The following CNTN5 variants were observed in gnomAD, a reference collection of about 807,000 sequenced individuals.
CNTN5 encodes the protein contactin-5.
CNTN5 carries 77 observed loss-of-function variants against 129.1 expected under a neutral mutation model. The observed-to-expected ratio is 0.60, with a 90% CI of 0.50 to 0.72. The LOEUF (loss-of-function observed/expected upper bound fraction) is 0.72, where lower values mean the gene tolerates loss of function less well. Ranked by LOEUF, CNTN5 falls within the 30% of genes least tolerant of loss-of-function variation. The pLI is 0.00. For missense variants in CNTN5, 1,478 were observed against 1,328.8 expected, an observed-to-expected ratio of 1.11 and a Z score of -1.75; for synonymous variants, 509 against 465.6, an observed-to-expected ratio of 1.09 and a Z score of -1.20.
intron 1 of CNTN5, among the ~76,000 whole-genome samples, chr11:99,142,464 C>A (rs1320226899): frequency 1.3e-5 from 2 of 152,018 alleles, no homozygotes; most frequent in African/African-American, 4.8e-5. Flanking sequence ...GAGGAGGGGT[C>A]TGCTGGTGTA....
intron 15 of CNTN5, among the ~76,000 whole-genome samples, chr11:100,224,334 G>A (rs1027755476): frequency 6.6e-6 from 1 of 151,976 alleles, no homozygotes; most frequent in Non-Finnish European, 1.5e-5. Context: ...CTTTCAATAC[G>A]ATTTTCTTGC....
At chr11:100,114,562 A>G (rs1446757238) in intron 13 of CNTN5, among the ~76,000 whole-genome samples, 3 of 152,110 alleles carry the variant, frequency 2.0e-5, no homozygotes, top group African/African-American at 7.2e-5. Context: ...GCCTTTGTCC[A>G]TTGTTTAAAA....
chr11:99,217,461 A>G (rs1387259758), intron 1 of CNTN5, among the ~76,000 whole-genome samples: 1 of 152,212 alleles, frequency 6.6e-6, no homozygotes, highest in Non-Finnish European at 1.5e-5. Flanking sequence ...AGAAAGAGGA[A>G]TCCTTGTACA....
intron 1 of CNTN5, among the ~76,000 whole-genome samples, chr11:99,305,970 A>C (rs950025340): frequency 6.6e-6 from 1 of 151,730 alleles, no homozygotes; most frequent in African/African-American, 2.4e-5. Context: ...GACACAGTGA[A>C]ACTCCGCCTC....
At chr11:99,793,151 C>T (rs865990261) in intron 3 of CNTN5, among the ~76,000 whole-genome samples, 37 of 152,038 alleles carry the variant, frequency 2.4e-4, no homozygotes, top group African/African-American at 8.9e-4. Context: ...CCTCTTCCTC[C>T]CAGGTTCACG....
intron 13 of CNTN5, among the ~76,000 whole-genome samples, chr11:100,085,380 C>A (rs541723183): frequency 2.0e-4 from 31 of 151,916 alleles, no homozygotes; most frequent in Non-Finnish European, 4.1e-4. Context: ...GGATAACATT[C>A]CCAAAACTCC....
At chr11:99,614,096 A>G (rs1950682015) in intron 3 of CNTN5, among the ~76,000 whole-genome samples, 1 of 152,228 alleles carries the variant, frequency 6.6e-6, no homozygotes, top group Non-Finnish European at 1.5e-5. Context: ...GTCAAAATAA[A>G]CTTGAAAGTG....
intron 1 of CNTN5, among the ~76,000 whole-genome samples, chr11:99,117,660 T>C (rs1216536398): frequency 6.6e-6 from 1 of 152,146 alleles, no homozygotes; most frequent in Admixed American, 6.6e-5. Flanking sequence ...GGAAGTGGGA[T>C]CTTTGGGAGA....
chr11:99,054,163 A>C (rs1864537070), intron 1 of CNTN5, among the ~76,000 whole-genome samples: 1 of 151,968 alleles, frequency 6.6e-6, no homozygotes, highest in Non-Finnish European at 1.5e-5. Flanking sequence ...GAGAGTCTGG[A>C]ATCACAACTT....
intron 9 of CNTN5, among the ~76,000 whole-genome samples, chr11:100,060,516 G>A (rs1016566156): frequency 3.3e-5 from 5 of 152,030 alleles, no homozygotes; most frequent in Non-Finnish European, 7.4e-5. Context: ...AGTGTTGGAG[G>A]CAGGACAAGT....
intron 9 of CNTN5, among the ~76,000 whole-genome samples, chr11:100,041,997 A>T (rs1286504837): frequency 6.6e-6 from 1 of 152,148 alleles, no homozygotes; most frequent in Non-Finnish European, 1.5e-5. Flanking sequence ...CAGTTAATTT[A>T]TTATCCCTGA....
chr11:99,169,211 T>G (rs1761272648), intron 1 of CNTN5, among the ~76,000 whole-genome samples: 1 of 152,154 alleles, frequency 6.6e-6, no homozygotes, highest in African/African-American at 2.4e-5. Flanking sequence ...TGAGAAAAAT[T>G]ACTCATGACT....
At chr11:99,048,354 C>T (rs1691919700) in intron 1 of CNTN5, among the ~76,000 whole-genome samples, 1 of 152,072 alleles carries the variant, frequency 6.6e-6, no homozygotes, top group Admixed American at 6.6e-5. Flanking sequence ...GCTATGGCAT[C>T]AATCACTGCA....
intron 2 of CNTN5, among the ~76,000 whole-genome samples, chr11:99,534,645 A>G (rs1947836613): frequency 6.6e-6 from 1 of 152,160 alleles, no homozygotes; most frequent in Non-Finnish European, 1.5e-5. Context: ...TTTGCTTTAT[A>G]TGTTAATTAT....
At chr11:99,493,441 A>T (rs1311208852) in intron 2 of CNTN5, among the ~76,000 whole-genome samples, 3 of 152,234 alleles carry the variant, frequency 2.0e-5, no homozygotes, top group Non-Finnish European at 4.4e-5. Context: ...GTTATTGAGT[A>T]TCGATAATTC....
intron 3 of CNTN5, among the ~76,000 whole-genome samples, chr11:99,799,243 T>C (rs959088256): frequency 6.6e-6 from 1 of 151,732 alleles, no homozygotes; most frequent in Non-Finnish European, 1.5e-5. Context: ...TTTTATTTCT[T>C]CCTTCTGCTT....
At chr11:99,635,518 C>T (rs1951518705) in intron 3 of CNTN5, among the ~76,000 whole-genome samples, 2 of 151,996 alleles carry the variant, frequency 1.3e-5, no homozygotes, top group Admixed American at 1.3e-4. Flanking sequence ...CTACATATGA[C>T]TGCTCTACTC....
At chr11:100,221,267 G>A (rs566471866) in intron 15 of CNTN5, among the ~76,000 whole-genome samples, 5 of 152,338 alleles carry the variant, frequency 3.3e-5, no homozygotes, top group Non-Finnish European at 5.9e-5. Flanking sequence ...TAAGGTTGGT[G>A]TTGTAGAATG....
At chr11:100,179,453 C>T (rs567933925) in intron 13 of CNTN5, among the ~76,000 whole-genome samples, 16 of 152,178 alleles carry the variant, frequency 1.1e-4, no homozygotes, top group Non-Finnish European at 2.1e-4. Flanking sequence ...TGTAAGAGTA[C>T]TGGTACACAA....
Sources: allele counts gnomAD v4.1 joint callset (sites outside exome capture counted in the v4.1 genomes callset), GRCh38; gene constraint gnomAD v4.1.1; transcripts MANE v1.5; gene names NCBI Gene and HGNC (gene_info 2026-07-23, HGNC 2026-07-21).